Variants in DOCK2 observed in about 807,000 individuals in gnomAD.
The protein encoded by DOCK2 is dedicator of cytokinesis protein 2.
In DOCK2, 87 loss-of-function variants were observed where a neutral mutation model predicts 248.9. The ratio of observed to expected loss-of-function variants is 0.35; its 90% CI spans 0.29 to 0.42. DOCK2 has a LOEUF of 0.42. Among genes scored for constraint, DOCK2 ranks in the 10% least tolerant of loss-of-function variants. The probability of loss-of-function intolerance (pLI) is 1.00; values close to 1 mark genes in which losing one functional copy is unlikely to be tolerated. For synonymous variants in DOCK2, 805 were observed against 821.6 expected, an observed-to-expected ratio of 0.98 and a Z score of 0.35; for missense variants, 1,747 against 2,300.2, an observed-to-expected ratio of 0.76 and a Z score of 4.92.
At chr5:169,728,807 G>A (rs1762618363) in intron 22 of DOCK2, among the ~76,000 whole-genome samples, 1 of 145,666 alleles carries the variant, frequency 6.9e-6, no homozygotes, top group South Asian at 2.2e-4. Context: ...CAGAATCTGG[G>A]GAAAATTTCA....
chr5:170,017,222 G>A (rs146418014), intron 32 of DOCK2, among the ~76,000 whole-genome samples: 7 of 152,176 alleles, frequency 4.6e-5, no homozygotes, highest in East Asian at 3.9e-4. Context: ...CAGGCCACAC[G>A]CCATACCACC....
At chr5:169,742,003 AG>A (rs1763337871) in intron 22 of DOCK2, among the ~76,000 whole-genome samples, 1 of 151,696 alleles carries the variant, frequency 6.6e-6, no homozygotes, top group Non-Finnish European at 1.5e-5. Flanking sequence ...TTTATAGTAG[AG>A]ATGGAGTTTC....
chr5:169,947,114 T>G (rs1776483549), intron 27 of DOCK2, among the ~76,000 whole-genome samples: 1 of 152,180 alleles, frequency 6.6e-6, no homozygotes, highest in African/African-American at 2.4e-5. Flanking sequence ...CTGTTACCAT[T>G]TTGGAAACTT....
intron 27 of DOCK2, among the ~76,000 whole-genome samples, chr5:169,891,689 A>G (rs573692651): frequency 2.0e-5 from 3 of 152,248 alleles, no homozygotes; most frequent in South Asian, 4.1e-4. Context: ...AAGTGCTTCA[A>G]AAAGAACAAA....
intron 27 of DOCK2, among the ~76,000 whole-genome samples, chr5:169,948,682 T>G (rs1451264197): frequency 6.6e-6 from 1 of 151,506 alleles, no homozygotes. Flanking sequence ...GGTGTGATTA[T>G]GGCTCACTGC....
intron 9 of DOCK2, among the ~76,000 whole-genome samples, chr5:169,691,070 C>T (rs1339946422): frequency 6.6e-6 from 1 of 152,108 alleles, no homozygotes; most frequent in Non-Finnish European, 1.5e-5. Flanking sequence ...GGCATCTTCT[C>T]GACTTCTGGG....
At position 170,060,348 on chromosome 5, in the gene DOCK2, C is replaced by A. The variant is rs540088730; in HGVS notation, c.4467+2682C>A. Among the ~76,000 whole-genome samples, 126 of 152,208 alleles carry A rather than the reference C, an allele frequency of 8.3e-4. 2 individuals carry two copies. Among genetic ancestry groups the A allele is most frequent in the Admixed American group, 6.9e-3 (106 of 15,290 alleles). ...TGGAACTTTAGGGAGCTTAAAGGGA[C>A]CTTAGGTGTCTTTTAGTCCTAAAGC... On this transcript the variant is annotated intron_variant, in intron 44 of 51. Transcript: ENST00000520908.
At chr5:170,008,195 AAACAACAAC>A (rs570456552) in intron 30 of DOCK2, among the ~76,000 whole-genome samples, 35 of 134,504 alleles carry the variant, frequency 2.6e-4, no homozygotes, top group Non-Finnish European at 2.6e-4. Flanking sequence ...ACAAGGACAA[AAACAACAAC>A]AACAACAACA....
intron 26 of DOCK2, among the ~76,000 whole-genome samples, chr5:169,816,720 T>C (rs1198240574): frequency 6.6e-6 from 1 of 152,052 alleles, no homozygotes; most frequent in Non-Finnish European, 1.5e-5. Flanking sequence ...ACATAGTAGG[T>C]GTATGTATTT....
chr5:169,717,363 G>C (rs1561631810), intron 20 of DOCK2, 21 bp from the exon 21 acceptor site: 1 of 1,607,980 alleles, frequency 6.2e-7, no homozygotes, highest in East Asian at 2.2e-5. Context: ...TGAAAATACT[G>C]CTGCCTTGCA....
chr5:170,013,496 G>C (rs1359033902), intron 32 of DOCK2, among the ~76,000 whole-genome samples: 23 of 152,024 alleles, frequency 1.5e-4, no homozygotes, highest in Admixed American at 1.4e-3. Context: ...GAGAAAATCA[G>C]AGTCAGAGAG....
At chr5:169,802,338 T>G (rs1043218134) in intron 25 of DOCK2, among the ~76,000 whole-genome samples, 5 of 152,174 alleles carry the variant, frequency 3.3e-5, no homozygotes, top group African/African-American at 1.2e-4. Context: ...ATTTTAGTAT[T>G]TCTAGTAGAG....
Position 170,029,118 on chromosome 5 carries a change from A to T in DOCK2, c.3467+1170A>T, listed in dbSNP as rs147715304. Among the ~76,000 whole-genome samples the T allele has an allele frequency of 3.2e-4, 48 of 152,290 alleles. 1 individual carries two copies. In the East Asian group the frequency reaches 8.3e-3, roughly 26 times the overall value. ...CCTAGAAATTGAATTGCTGGATCAT[A>T]CGGCACCTATATTTGACCTTTTGAG... On this transcript the variant is annotated intron_variant, in intron 34 of 51. Transcript: ENST00000520908.
intron 29 of DOCK2, among the ~76,000 whole-genome samples, chr5:169,986,352 A>AT (rs941046602): frequency 6.6e-6 from 1 of 152,078 alleles, no homozygotes; most frequent in Non-Finnish European, 1.5e-5. Flanking sequence ...TGCTAATGTG[A>AT]TTTTTTTCTA....
Position 169,763,339 on chromosome 5 carries a change from G to C in DOCK2, c.2554+1714G>C, listed in dbSNP as rs1581155701. ...GGATTTCAGGTGGTGCCACTGCAGAGGCAAATTGAGTCCCATCCTAGAGAC... is the reference window on the plus strand; with the variant it reads ...GGATTTCAGGTGGTGCCACTGCAGACGCAAATTGAGTCCCATCCTAGAGAC... On this transcript the variant is annotated intron_variant, in intron 25 of 51. Coordinates refer to ENST00000520908, the MANE Select transcript of DOCK2 (RefSeq NM_004946.3). This position sits in a 1 kb window ranked among gnomAD's most constrained non-coding sequence, Gnocchi z 4.1. Among the ~76,000 whole-genome samples the C allele has an allele frequency of 6.6e-6, 1 of 152,352 alleles. No homozygotes were observed. The highest frequency in any genetic ancestry group is 1.9e-4 in the East Asian group (1 of 5,192).
chr5:169,703,617 T>C (rs1298272689), intron 14 of DOCK2, among the ~76,000 whole-genome samples: 1 of 152,236 alleles, frequency 6.6e-6, no homozygotes, highest in African/African-American at 2.4e-5. Flanking sequence ...GTTTTTTAAA[T>C]GTAAAGAAAT....
chr5:170,066,614 G>A (rs1757502780), intron 44 of DOCK2, among the ~76,000 whole-genome samples: 2 of 152,136 alleles, frequency 1.3e-5, no homozygotes, highest in South Asian at 2.1e-4. Flanking sequence ...AAGTGCACAT[G>A]GAACACTCTT....
intron 36 of DOCK2, among the ~76,000 whole-genome samples, chr5:170,038,059 C>G (rs1257992603): frequency 6.6e-6 from 1 of 152,206 alleles, no homozygotes; most frequent in African/African-American, 2.4e-5. Context: ...TATAACATCA[C>G]TAGTCATACC....
At chr5:170,027,037 GTC>G (rs1300677890) in intron 33 of DOCK2, among the ~76,000 whole-genome samples, 1 of 148,320 alleles carries the variant, frequency 6.7e-6, no homozygotes, top group African/African-American at 2.5e-5. Context: ...TCAGGTCTCT[GTC>G]TCTCTGTATC....
Sources: allele counts gnomAD v4.1 joint callset (sites outside exome capture counted in the v4.1 genomes callset), GRCh38; gene constraint gnomAD v4.1.1; non-coding constraint Gnocchi (gnomAD v3.1); transcripts MANE v1.5; gene names NCBI Gene and HGNC (gene_info 2026-07-23, HGNC 2026-07-21).